Variants in METTL22 observed in about 807,000 individuals in gnomAD.
METTL22 encodes the protein methyltransferase-like protein 22.
In METTL22, 51 loss-of-function variants were observed where a neutral mutation model predicts 48.4. The observed-to-expected ratio is 1.05, with a 90% CI of 0.84 to 1.33. The LOEUF (loss-of-function observed/expected upper bound fraction) is 1.33. METTL22 is among the 40% of genes most tolerant of loss of function. The probability of loss-of-function intolerance (pLI) is 0.00; values close to 1 mark genes in which losing one functional copy is unlikely to be tolerated. For synonymous variants in METTL22, 255 were observed against 214.1 expected (o/e 1.19, Z -1.67); for missense variants, 678 against 526.9 (o/e 1.29, Z -2.81).
intron 6 of METTL22, among the ~76,000 whole-genome samples, chr16:8,640,217 G>A (rs2056554071): frequency 6.6e-6 from 1 of 152,232 alleles, no homozygotes; most frequent in African/African-American, 2.4e-5. Context: ...ACAGTAGGCA[G>A]TCAGCAGAGC....
chr16:8,664,231 ACATTTTCTATTTCTTTGCAAG>A, the METTL22 span, among the ~76,000 whole-genome samples: 1 of 151,800 alleles, frequency 6.6e-6, no homozygotes, highest in Admixed American at 6.6e-5. Flanking sequence ...GGAACCACAG[ACATTTTCTATTTCTTTGCAAG>A]CATTTTCTAT....
At chr16:8,659,834 C>T in the METTL22 span, among the ~76,000 whole-genome samples, 1 of 151,458 alleles carries the variant, frequency 6.6e-6, no homozygotes, top group Non-Finnish European at 1.5e-5. Flanking sequence ...AGCGATCCTC[C>T]CACCTCAGCC....
the METTL22 span, among the ~76,000 whole-genome samples, chr16:8,656,646 A>T: frequency 2.0e-5 from 3 of 152,254 alleles, no homozygotes; most frequent in East Asian, 5.8e-4. Context: ...ATCTGCAGTG[A>T]GTGATGTTCC....
chr16:8,652,181 G>A (rs1004971833), downstream of METTL22, among the ~76,000 whole-genome samples: 2 of 152,094 alleles, frequency 1.3e-5, no homozygotes, highest in African/African-American at 2.4e-5. Context: ...GATGTAGGCC[G>A]GGCGCGGTGG....
chr16:8,644,914 C>T lies in METTL22; in HGVS notation c.1179+189C>T, dbSNP rs2056739316. 3 of 546,488 alleles carry T rather than the reference C, an allele frequency of 5.5e-6. No homozygotes were observed. In the South Asian group the frequency reaches 9.8e-5, roughly 18 times the overall value. 33.9% of individuals were successfully genotyped at this position (546,488 alleles called of 1,614,324 possible). ...GGGAGCTACATCCTGTTCTTAGCAG[C>T]CACCATGTCTGGAGACGGGCCTACA... On this transcript the variant is annotated intron_variant, in intron 10 of 10. Transcript: ENST00000381920.
In METTL22 at chr16:8,628,775, C is replaced by G. The variant is rs1225682349; in HGVS notation, c.179C>G (p.Thr60Arg). 1.2e-6 allele frequency: 2 copies of G among 1,614,180 alleles called. No homozygotes were observed. The highest frequency in any genetic ancestry group is 1.7e-6 in the Non-Finnish European group (2 of 1,180,018). Residue 60 changes from threonine (T) to arginine (R), a missense_variant, in exon 3 of 11, where the codon ACA becomes AGA. Coordinates refer to ENST00000381920, the MANE Select transcript of METTL22 (RefSeq NM_024109.4). ...FKLLWSQDSW[T>R]DSGAKGGSHR... ...CTTCTATGGAGCCAAGACTCTTGGA[C>G]AGATTCAGGAGCCAAGGGTGGCAGT...
chr16:8,642,131 C>T lies in METTL22; in HGVS notation c.831C>T (p.Pro277=). The change falls in exon 8 of 11, where the codon CCC becomes CCT. Residue 277 remains proline, a synonymous_variant. Coordinates refer to ENST00000381920, the MANE Select transcript of METTL22 (RefSeq NM_024109.4). ...TGTGCTTTTGTTCTTTCTTAGATCC[C>T]AAGGTCCCCTTCAGTTGGTCACAAG... is the stretch of plus-strand genomic sequence containing the variant. ...DWLKDDLCTD[P]KVPFSWSQEE... 6.2e-7 allele frequency: 1 copy of T among 1,612,430 alleles called. No individual in the cohort carries two copies. The highest frequency in any genetic ancestry group is 8.5e-7 in the Non-Finnish European group (1 of 1,178,452).
At chr16:8,637,667 G>A (rs534084377) in intron 5 of METTL22, among the ~76,000 whole-genome samples, 2 of 152,352 alleles carry the variant, frequency 1.3e-5, no homozygotes, top group South Asian at 2.1e-4. Flanking sequence ...TGCTTGTCAC[G>A]TGGTGGAATT....
chr16:8,645,322 G>A (rs373971533), intron 10 of METTL22, among the ~76,000 whole-genome samples: 1 of 152,192 alleles, frequency 6.6e-6, no homozygotes, highest in African/African-American at 2.4e-5. Flanking sequence ...ACTCTGTCTC[G>A]CGTCCTGAGG....
intron 6 of METTL22, 48 bp from the exon 7 acceptor site, chr16:8,641,083 T>G: frequency 6.4e-7 from 1 of 1,564,628 alleles, no homozygotes; most frequent in Non-Finnish European, 8.8e-7. Context: ...CTTTTTTTCC[T>G]GATGATGTTT....
chr16:8,642,375 C>T, intron 8 of METTL22, 88 bp from the exon 9 acceptor site: 1 of 1,342,010 alleles, frequency 7.5e-7, no homozygotes, highest in Non-Finnish European at 1.1e-6. Flanking sequence ...TGGTGATAAG[C>T]ATTCTCTCTG....
rs75125478 is a variant in METTL22 at position 8,643,359 on chromosome 16, C to T, written c.1010+794C>T. 1.3e-3 allele frequency among the ~76,000 whole-genome samples: 205 copies of T among 152,302 alleles called. 1 individual carries two copies. Among genetic ancestry groups the T allele is most frequent in the African/African-American group, 4.5e-3 (186 of 41,558 alleles). Reference sequence around the variant, plus strand: ...GATTTCATAAACTGTAAAGGAAAAACATCAGGACAGTTGGGAAAAGTTGAA... The same window carrying T: ...GATTTCATAAACTGTAAAGGAAAAATATCAGGACAGTTGGGAAAAGTTGAA... On this transcript the variant is annotated intron_variant, in intron 9 of 10. Transcript: ENST00000381920.
intron 1 of METTL22, chr16:8,623,941 G>T (rs1197885852): frequency 6.6e-6 from 1 of 152,116 alleles, no homozygotes; most frequent in Non-Finnish European, 1.5e-5. Context: ...GGCAGGTTTG[G>T]GTCAAATACC....
intron 9 of METTL22, 136 bp from the exon 10 acceptor site, chr16:8,644,421 C>T: frequency 1.2e-6 from 1 of 832,594 alleles, no homozygotes; most frequent in Non-Finnish European, 1.9e-6. Flanking sequence ...ACACACTCAG[C>T]ATGAGACAGG....
At chr16:8,659,607 G>A in the METTL22 span, among the ~76,000 whole-genome samples, 3 of 152,164 alleles carry the variant, frequency 2.0e-5, no homozygotes, top group Non-Finnish European at 2.9e-5. Context: ...GTCAGGTAGT[G>A]TAAAGAACCA....
rs541188871 is a variant in METTL22, at chr16:8,643,691, A to G, written c.1011-866A>G. On this transcript the variant is annotated intron_variant, in intron 9 of 10. Coordinates refer to ENST00000381920, the MANE Select transcript of METTL22 (RefSeq NM_024109.4). ...TGTGATGGTGCGATCTCGGCTCAGC[A>G]CAAGCGCCACCTCCCGGGTTCACAC... Among the ~76,000 whole-genome samples the G allele has an allele frequency of 3.2e-4, 48 of 152,108 alleles. 2 individuals are homozygous for G. The South Asian group carries it at 1.0e-2, about 32-fold the overall frequency.
rs116919633 is a variant in METTL22, at chr16:8,632,957, G to T, written c.515-2082G>T. Among the ~76,000 whole-genome samples the T allele has an allele frequency of 1.1e-4, 16 of 152,248 alleles. No individual in the cohort carries two copies. In the East Asian group the frequency reaches 3.1e-3, roughly 29 times the overall value. On this transcript the variant is annotated intron_variant, in intron 3 of 10. Coordinates refer to ENST00000381920, the MANE Select transcript of METTL22 (RefSeq NM_024109.4). ...ATAGGACCAAGATCACTATGAGAAG[G>T]TTCCCCTGGCAGCAGGAACCCTTAG...
downstream of METTL22, among the ~76,000 whole-genome samples, chr16:8,650,132 C>A (rs564767198): frequency 1.7e-4 from 26 of 152,286 alleles, no homozygotes; most frequent in South Asian, 5.4e-3. Flanking sequence ...TTGAGATCAG[C>A]CTGGGCAACA....
intron 6 of METTL22, chr16:8,639,598 C>T (rs2056529613): frequency 9.8e-6 from 2 of 203,154 alleles, no homozygotes; most frequent in South Asian, 1.7e-4. Flanking sequence ...CCTGGCCCAG[C>T]CCCGGCCTGC....
Sources: allele counts gnomAD v4.1 joint callset (sites outside exome capture counted in the v4.1 genomes callset), GRCh38; gene constraint gnomAD v4.1.1; transcripts MANE v1.5; gene names NCBI Gene and HGNC (gene_info 2026-07-23, HGNC 2026-07-21).